Variants in TRAK2 observed in about 807,000 individuals in gnomAD.
TRAK2 encodes trafficking kinesin-binding protein 2.
In TRAK2, 81 loss-of-function variants were observed where a neutral mutation model predicts 104.6. The observed-to-expected ratio is 0.77, with a 90% confidence interval of 0.65 to 0.93. The LOEUF (loss-of-function observed/expected upper bound fraction) is 0.93, where lower values mean the gene tolerates loss of function less well. TRAK2 is among the 40% of genes least tolerant of loss of function. The pLI is 0.00. For missense variants in TRAK2, 1,002 were observed against 1,089.0 expected, an observed-to-expected ratio of 0.92 and a Z score of 1.12; for synonymous variants, 406 against 394.4, an observed-to-expected ratio of 1.03 and a Z score of -0.35.
At chr2:201,433,484 G>A (rs1261333894) in intron 1 of TRAK2, 1 of 152,178 alleles carries the variant, frequency 6.6e-6, no homozygotes, top group Non-Finnish European at 1.5e-5. Flanking sequence ...AATTCCAAAA[G>A]GCTGTTAAAT....
chr2:201,410,988 G>T, intron 2 of TRAK2: 2 of 1,493,394 alleles, frequency 1.3e-6, no homozygotes, highest in Non-Finnish European at 1.9e-6. Context: ...GTTGAATCCT[G>T]AAGTCTGAAA....
At chr2:201,422,966 TAATA>T (rs1195861657) in intron 1 of TRAK2, among the ~76,000 whole-genome samples, 1 of 151,214 alleles carries the variant, frequency 6.6e-6, no homozygotes, top group African/African-American at 2.4e-5. Context: ...AAAAGAGACA[TAATA>T]AATAGCAGTC....
At chr2:201,411,793 A>G in intron 2 of TRAK2, 1 of 800,806 alleles carries the variant, frequency 1.2e-6, no homozygotes, top group South Asian at 1.3e-5. Context: ...TTTCCTAAGC[A>G]CACTAATGAA....
intron 1 of TRAK2, among the ~76,000 whole-genome samples, chr2:201,432,497 TAAG>T (rs1951850032): frequency 1.1e-4 from 16 of 152,188 alleles, no homozygotes; most frequent in Admixed American, 1.0e-3. Flanking sequence ...CCATGCACAT[TAAG>T]AAGAAGAAAA....
chr2:201,411,108 G>T, intron 2 of TRAK2: 1 of 1,018,762 alleles, frequency 9.8e-7, no homozygotes, highest in Non-Finnish European at 1.5e-6. Context: ...CGTACTTGAA[G>T]CAGAAGGTTT....
chr2:201,401,488 G>C (rs1287849922), intron 3 of TRAK2, among the ~76,000 whole-genome samples: 1 of 151,990 alleles, frequency 6.6e-6, no homozygotes. Context: ...TCAGTGAGGG[G>C]TTATGCTGTT....
rs776033571 is a variant in TRAK2, at chr2:201,387,900, T to C, written c.1499A>G (p.Lys500Arg). The change falls in exon 13 of 16, where the codon AAG (lysine) becomes AGG (arginine). Residue 500 changes from lysine to arginine, a missense_variant. Lys to Arg is a conservative substitution (Grantham distance 26). Coordinates refer to ENST00000332624, the MANE Select transcript of TRAK2 (RefSeq NM_015049.3). ...SLRRQNYLSEKQFFAEEWQRK... is the reference protein window; with the variant it reads ...SLRRQNYLSERQFFAEEWQRK... Reference sequence around the variant, plus strand: ...CTGCCATTCTTCAGCAAAGAACTGCTTCTCACTTAAATAGTTTTGTCGACG... The same window carrying C: ...CTGCCATTCTTCAGCAAAGAACTGCCTCTCACTTAAATAGTTTTGTCGACG... 2 of 1,614,178 alleles carry C rather than the reference T, an allele frequency of 1.2e-6. No homozygotes were observed. Among genetic ancestry groups the C allele is most frequent in the Admixed American group, 3.3e-5 (2 of 60,022 alleles).
At position 201,377,898 on chromosome 2, in the gene TRAK2, A is replaced by G. The variant is rs1951303100; in HGVS notation, c.*2645T>C. 1 of 152,396 alleles carries G rather than the reference A, an allele frequency of 6.6e-6. No individual in the cohort carries two copies. Among genetic ancestry groups the G allele is most frequent in the African/African-American group, 2.4e-5 (1 of 41,380 alleles). The allele number at this position is 152,396 out of a possible 1,614,324, so 9.4% of individuals were successfully genotyped here. Reference sequence around the variant, plus strand: ...TAAAGGCGAAAAAAAAAAAAGATTGAGGTTTCCTATACTGGCATGAAAGTA... The same window carrying G: ...TAAAGGCGAAAAAAAAAAAAGATTGGGGTTTCCTATACTGGCATGAAAGTA... On this transcript the variant is annotated 3_prime_UTR_variant, in exon 16 of 16. Coordinates refer to ENST00000332624, the MANE Select transcript of TRAK2 (RefSeq NM_015049.3).
chr2:201,405,536 A>AG (rs895006632), intron 3 of TRAK2, among the ~76,000 whole-genome samples: 1 of 152,194 alleles, frequency 6.6e-6, no homozygotes, highest in African/African-American at 2.4e-5. Context: ...TAGGTGGAGT[A>AG]GGGGGCCCAA....
At chr2:201,403,398 C>G (rs148810672) in intron 3 of TRAK2, among the ~76,000 whole-genome samples, 1 of 152,090 alleles carries the variant, frequency 6.6e-6, no homozygotes, top group Non-Finnish European at 1.5e-5. Flanking sequence ...TAACGCTCAT[C>G]TCACAAGGTC....
chr2:201,442,388 C>CAAA (rs61153548), intron 1 of TRAK2, among the ~76,000 whole-genome samples: 4 of 143,606 alleles, frequency 2.8e-5, no homozygotes, highest in Non-Finnish European at 6.1e-5. Context: ...GACTCCATCT[C>CAAA]AAAAAAAAAA....
At chr2:201,410,401 T>C in intron 2 of TRAK2, 1 of 536,754 alleles carries the variant, frequency 1.9e-6, no homozygotes, top group East Asian at 3.1e-5. Flanking sequence ...TCCATACAAC[T>C]ACTATGCTGG....
intron 2 of TRAK2, among the ~76,000 whole-genome samples, chr2:201,417,256 A>G (rs1559448457): frequency 6.7e-6 from 1 of 150,218 alleles, no homozygotes; most frequent in African/African-American, 2.4e-5. Flanking sequence ...AAAAAAAAAA[A>G]AAAGAAAAGA....
chr2:201,381,880 T>C (rs1202582856), intron 15 of TRAK2, among the ~76,000 whole-genome samples: 2 of 152,188 alleles, frequency 1.3e-5, no homozygotes, highest in East Asian at 1.9e-4. Flanking sequence ...ACCTGAAACA[T>C]GTGTTTTTAG....
At chr2:201,412,246 AGTCCGTTGAAAAACTGTGATTTCT>A in intron 2 of TRAK2, 1 of 1,009,486 alleles carries the variant, frequency 9.9e-7, no homozygotes, top group Non-Finnish European at 1.6e-6. Context: ...AACCTTTGGC[AGTCCGTTGAAAAACTGTGATTTCT>A]GAAGATTATC....
intron 2 of TRAK2, among the ~76,000 whole-genome samples, chr2:201,416,477 C>T (rs2540340): frequency 0.29 from 44,073 of 151,788 alleles, 6,699 homozygotes; most frequent in Admixed American, 0.38. Context: ...ACCCATATCC[C>T]AGGAAATGTT....
rs534672465 is a variant in TRAK2 at position 201,389,290 on chromosome 2, G to A, written c.1397+10C>T. The A allele has an allele frequency of 2.1e-5, 34 of 1,612,934 alleles. No individual in the cohort carries two copies. Among genetic ancestry groups the A allele is most frequent in the Admixed American group, 8.3e-5 (5 of 59,982 alleles). ...GAAATGCAGAATCACTGTTATCATC[G>A]GATTCCTACCCTGCAACCTCCTCTG... is the stretch of plus-strand genomic sequence containing the variant. On this transcript the variant is annotated intron_variant, in intron 12 of 15. Transcript: ENST00000332624.
intron 1 of TRAK2, among the ~76,000 whole-genome samples, chr2:201,432,979 T>A (rs536308368): frequency 6.6e-6 from 1 of 152,268 alleles, no homozygotes; most frequent in African/African-American, 2.4e-5. Flanking sequence ...GGCAACCTAA[T>A]CCAGACAAAA....
chr2:201,409,455 G>C (rs1316084119), intron 2 of TRAK2, among the ~76,000 whole-genome samples: 17 of 152,096 alleles, frequency 1.1e-4, no homozygotes, highest in Non-Finnish European at 2.1e-4. Context: ...TAGTAGTCAG[G>C]GAAGTCACAT....
Sources: allele counts gnomAD v4.1 joint callset (sites outside exome capture counted in the v4.1 genomes callset), GRCh38; gene constraint gnomAD v4.1.1; transcripts MANE v1.5; gene names NCBI Gene and HGNC (gene_info 2026-07-23, HGNC 2026-07-21).